PTPRN2: variants seen among roughly 807,000 people sequenced by gnomAD.
PTPRN2 encodes receptor-type tyrosine-protein phosphatase N2.
Under a neutral mutation model 118.8 loss-of-function variants are expected in PTPRN2, and 74 were observed. The observed-to-expected ratio is 0.62, with a 90% CI of 0.52 to 0.76. PTPRN2 has a LOEUF of 0.76. Ranked by LOEUF, PTPRN2 falls within the 30% of genes least tolerant of loss-of-function variation. The probability of loss-of-function intolerance (pLI) is 0.00; values close to 1 mark genes in which losing one functional copy is unlikely to be tolerated. For synonymous variants in PTPRN2, 641 were observed against 608.0 expected, an observed-to-expected ratio of 1.05 and a Z score of -0.80; for missense variants, 1,481 against 1,394.4, an observed-to-expected ratio of 1.06 and a Z score of -0.99.
At chr7:158,110,751 C>T (rs1013044820) in intron 10 of PTPRN2, 78 bp downstream of exon 10, 10 of 1,338,682 alleles carry the variant, frequency 7.5e-6, no homozygotes, top group South Asian at 2.5e-5. Flanking sequence ...GCCATGGGCT[C>T]GCAGCTCCTT....
At chr7:158,512,971 C>T (rs1045727757) in intron 1 of PTPRN2, among the ~76,000 whole-genome samples, 10 of 152,158 alleles carry the variant, frequency 6.6e-5, no homozygotes, top group African/African-American at 2.4e-4. Context: ...ATCTCCTGTG[C>T]AGAATTCCAA....
chr7:158,454,845 A>C (rs939765661), intron 2 of PTPRN2, among the ~76,000 whole-genome samples: 1 of 152,188 alleles, frequency 6.6e-6, no homozygotes, highest in Non-Finnish European at 1.5e-5. Context: ...CCCCAAGCAG[A>C]CTACACACTG....
intron 11 of PTPRN2, among the ~76,000 whole-genome samples, chr7:157,924,353 C>T (rs1269076203): frequency 5.3e-5 from 8 of 152,210 alleles, no homozygotes. Context: ...CCCCTCTGAC[C>T]TGCAGCTGGC....
intron 2 of PTPRN2, among the ~76,000 whole-genome samples, chr7:158,448,034 G>A (rs1412694491): frequency 6.6e-6 from 1 of 152,226 alleles, no homozygotes; most frequent in Non-Finnish European, 1.5e-5. Context: ...GCAGCAAGAG[G>A]GCCTCACTGC....
intron 11 of PTPRN2, among the ~76,000 whole-genome samples, chr7:158,073,104 C>A (rs192289604): frequency 6.6e-6 from 1 of 152,292 alleles, no homozygotes; most frequent in Non-Finnish European, 1.5e-5. Flanking sequence ...TGCCCAGCAC[C>A]ATCTTTGCAC....
At chr7:157,661,253 A>G (rs1795871254) in intron 13 of PTPRN2, among the ~76,000 whole-genome samples, 1 of 152,382 alleles carries the variant, frequency 6.6e-6, no homozygotes, top group African/African-American at 2.4e-5. Flanking sequence ...TTTTCAAAGG[A>G]GGGAAACTGC....
intron 2 of PTPRN2, among the ~76,000 whole-genome samples, chr7:158,338,568 C>T (rs539694809): frequency 4.9e-4 from 36 of 73,564 alleles, no homozygotes; most frequent in East Asian, 7.9e-4. Context: ...CACCTGCAGA[C>T]GTCACTCACA....
At position 157,576,610 on chromosome 7, in the gene PTPRN2, T is replaced by C; in HGVS notation, c.2783+3A>G. ...TGCCCTGCCGGCGGGCCGCGCGTCA[T>C]ACCTGCGGAAGTCCAGGAGGGACCT... On this transcript the variant is annotated splice_donor_region_variant and intron_variant, in intron 19 of 22. Transcript: ENST00000389418. 6.2e-7 allele frequency: 1 copy of C among 1,608,384 alleles called. No homozygotes were observed. The highest frequency in any genetic ancestry group is 1.1e-5 in the South Asian group (1 of 90,146).
chr7:158,296,032 TGGA>T (rs1323699011), intron 3 of PTPRN2, among the ~76,000 whole-genome samples: 1 of 152,128 alleles, frequency 6.6e-6, no homozygotes, highest in Non-Finnish European at 1.5e-5. Flanking sequence ...AAGTGCTGGG[TGGA>T]GAAGGGCGGG....
intron 1 of PTPRN2, among the ~76,000 whole-genome samples, chr7:158,495,038 T>TA (rs955949665): frequency 4.0e-5 from 6 of 151,872 alleles, no homozygotes; most frequent in Non-Finnish European, 8.8e-5. Flanking sequence ...TCTACAGCCT[T>TA]AAAAAAAACC....
At chr7:158,082,236 G>A (rs1388101645) in intron 10 of PTPRN2, among the ~76,000 whole-genome samples, 1 of 152,210 alleles carries the variant, frequency 6.6e-6, no homozygotes, top group South Asian at 2.1e-4. Context: ...CATCTAAGCT[G>A]TGAAACTGGG....
intron 12 of PTPRN2, among the ~76,000 whole-genome samples, chr7:157,827,986 C>T (rs747537002): frequency 6.6e-6 from 1 of 152,198 alleles, no homozygotes; most frequent in Non-Finnish European, 1.5e-5. Flanking sequence ...CTGGAGGGTC[C>T]CTCAGACGGC....
At chr7:158,351,544 C>CT (rs1445254438) in intron 2 of PTPRN2, among the ~76,000 whole-genome samples, 1 of 152,302 alleles carries the variant, frequency 6.6e-6, no homozygotes, top group East Asian at 1.9e-4. Flanking sequence ...ATTACGGGCA[C>CT]TTTAGCCCCG....
chr7:157,559,173 C>A (rs1417661485), intron 21 of PTPRN2, among the ~76,000 whole-genome samples: 1 of 152,222 alleles, frequency 6.6e-6, no homozygotes, highest in East Asian at 1.9e-4. Flanking sequence ...CCCCAGCATC[C>A]TACTCAACAC....
At chr7:158,423,244 T>C (rs765036603) in intron 2 of PTPRN2, among the ~76,000 whole-genome samples, 4 of 152,236 alleles carry the variant, frequency 2.6e-5, no homozygotes, top group African/African-American at 4.8e-5. Context: ...CCGGGATCCA[T>C]GTTCTATCCC....
At chr7:157,925,505 G>T (rs985864160) in intron 11 of PTPRN2, among the ~76,000 whole-genome samples, 1 of 152,060 alleles carries the variant, frequency 6.6e-6, no homozygotes, top group Admixed American at 6.6e-5. Context: ...TCGTGGTCCC[G>T]GGTCCCAACC....
chr7:158,556,154 T>C (rs1202090407), intron 1 of PTPRN2, among the ~76,000 whole-genome samples: 3 of 152,126 alleles, frequency 2.0e-5, no homozygotes, highest in Non-Finnish European at 4.4e-5. Context: ...TGATAGAGGA[T>C]AGATATAGAT....
intron 6 of PTPRN2, among the ~76,000 whole-genome samples, chr7:158,164,155 C>A (rs28408979): frequency 0.62 from 94,705 of 152,042 alleles, 30,476 homozygotes; most frequent in East Asian, 0.78. Context: ...GTGGGAGGAA[C>A]GAGAAGGCGC....
chr7:157,981,243 C>A (rs1803116291), intron 11 of PTPRN2, among the ~76,000 whole-genome samples: 1 of 152,352 alleles, frequency 6.6e-6, no homozygotes, highest in South Asian at 2.1e-4. Context: ...GTCACCAGAA[C>A]CATTTAGACA....
Sources: allele counts gnomAD v4.1 joint callset (sites outside exome capture counted in the v4.1 genomes callset), GRCh38; gene constraint gnomAD v4.1.1; transcripts MANE v1.5; gene names NCBI Gene and HGNC (gene_info 2026-07-23, HGNC 2026-07-21).